ZFHX3: variants seen among roughly 807,000 people sequenced by gnomAD.
The protein encoded by ZFHX3 is zinc finger homeobox 3, also known as zinc finger homeobox protein 3.
A neutral mutation model predicts 279.1 loss-of-function variants in ZFHX3; 42 were observed. The observed-to-expected ratio is 0.15, with a 90% CI of 0.12 to 0.19. The LOEUF is 0.19. ZFHX3 is among the 10% of genes least tolerant of loss of function. The pLI, the probability that ZFHX3 is intolerant of heterozygous loss-of-function variation, is 1.00. For missense variants in ZFHX3, 4,981 were observed against 4,754.0 expected (o/e 1.05, Z -1.40); for synonymous variants, 2,293 against 1,957.8 (o/e 1.17, Z -4.52).
upstream of ZFHX3, chr16:73,062,239 C>T (rs952597009): frequency 6.6e-6 from 1 of 152,154 alleles, no homozygotes; most frequent in Non-Finnish European, 1.5e-5. Context: ...ATTTCTCTAG[C>T]TCTCACTCAA....
At chr16:73,838,947 C>T (rs1961219381) in intron 1 of ZFHX3, among the ~76,000 whole-genome samples, 1 of 151,986 alleles carries the variant, frequency 6.6e-6, no homozygotes, top group African/African-American at 2.4e-5. Flanking sequence ...GCTCAAATAT[C>T]AAGGCAGGGA....
intron 8 of ZFHX3, among the ~76,000 whole-genome samples, chr16:73,075,891 A>T (rs1192264876): frequency 6.6e-6 from 1 of 152,086 alleles, no homozygotes; most frequent in Admixed American, 6.6e-5. Flanking sequence ...CAGCCTCCCA[A>T]AGTGCTGGGA....
intron 4 of ZFHX3, among the ~76,000 whole-genome samples, chr16:73,290,102 C>A (rs1279521083): frequency 6.6e-6 from 1 of 151,936 alleles, no homozygotes; most frequent in East Asian, 1.9e-4. Flanking sequence ...CTGTAAATCA[C>A]AAGGTTTCAA....
intron 1 of ZFHX3, among the ~76,000 whole-genome samples, chr16:72,994,563 G>C (rs62053228): frequency 6.6e-6 from 1 of 152,296 alleles, no homozygotes; most frequent in East Asian, 1.9e-4. Context: ...CAGCCTATCC[G>C]ACTCCTACCT....
At chr16:73,250,963 G>T (rs915432042) in intron 5 of ZFHX3, among the ~76,000 whole-genome samples, 6 of 151,950 alleles carry the variant, frequency 3.9e-5, no homozygotes, top group Non-Finnish European at 7.4e-5. Context: ...ATCTTTGCCA[G>T]CTCCTGGTCT....
chr16:73,671,984 A>T (rs954607245), intron 2 of ZFHX3, among the ~76,000 whole-genome samples: 2 of 151,998 alleles, frequency 1.3e-5, no homozygotes, highest in Non-Finnish European at 2.9e-5. Context: ...TTTTTTCAAA[A>T]ACAGAAATAC....
At chr16:73,059,563 T>TCTCTCTCTCTCTCTCTCTCTCTCA in exon 1 of ZFHX3, 1 of 137,106 alleles carries the variant, frequency 7.3e-6, no homozygotes, top group Non-Finnish European at 1.6e-5. Context: ...TCTCTCTCTC[T>TCTCTCTCTCTCTCTCTCTCTCTCA]AAGCAAACGC....
chr16:73,628,895 C>T (rs965896556), intron 2 of ZFHX3, among the ~76,000 whole-genome samples: 5 of 152,118 alleles, frequency 3.3e-5, no homozygotes, highest in African/African-American at 9.7e-5. Flanking sequence ...AGGGGCACCA[C>T]GCAGGACCCA....
intron 5 of ZFHX3, among the ~76,000 whole-genome samples, chr16:73,156,928 G>T (rs1307843036): frequency 2.0e-5 from 3 of 152,136 alleles, no homozygotes; most frequent in Non-Finnish European, 4.4e-5. Context: ...TGGCCAGGAT[G>T]GTCTCTATCT....
intron 2 of ZFHX3, among the ~76,000 whole-genome samples, chr16:73,470,574 C>T (rs775349433): frequency 2.6e-5 from 4 of 152,150 alleles, no homozygotes; most frequent in African/African-American, 9.7e-5. Context: ...AAGGCACAAA[C>T]CTTTCTGCTT....
At chr16:73,709,843 C>T (rs1056615411) in intron 1 of ZFHX3, among the ~76,000 whole-genome samples, 4 of 152,032 alleles carry the variant, frequency 2.6e-5, no homozygotes, top group African/African-American at 7.2e-5. Context: ...TGGAGCCACT[C>T]GATGATGTAT....
chr16:73,091,006 T>C (rs1465303766), intron 8 of ZFHX3, among the ~76,000 whole-genome samples: 1 of 147,718 alleles, frequency 6.8e-6, no homozygotes, highest in Non-Finnish European at 1.5e-5. Flanking sequence ...GGTCAGGAGA[T>C]AAAGACCATC....
intron 1 of ZFHX3, among the ~76,000 whole-genome samples, chr16:72,969,837 A>G (rs542160998): frequency 6.6e-6 from 1 of 152,296 alleles, no homozygotes; most frequent in Non-Finnish European, 1.5e-5. Context: ...AGCCATACAT[A>G]GGTGATTCCA....
At chr16:73,135,307 GCTCAATA>G (rs897825099) in intron 6 of ZFHX3, among the ~76,000 whole-genome samples, 1 of 152,148 alleles carries the variant, frequency 6.6e-6, no homozygotes, top group African/African-American at 2.4e-5. Flanking sequence ...TCATTCACCA[GCTCAATA>G]TGTACAAAGA....
intron 1 of ZFHX3, among the ~76,000 whole-genome samples, chr16:73,041,904 A>C (rs927313260): frequency 3.9e-5 from 6 of 152,202 alleles, no homozygotes; most frequent in African/African-American, 1.4e-4. Flanking sequence ...TTGCTTCTTG[A>C]GTAGTTAAGA....
At chr16:73,560,290 G>A (rs1053976757) in intron 2 of ZFHX3, among the ~76,000 whole-genome samples, 2 of 152,002 alleles carry the variant, frequency 1.3e-5, no homozygotes, top group Admixed American at 6.6e-5. Flanking sequence ...TCCTCCTTCC[G>A]CCGCTGACAT....
intron 4 of ZFHX3, among the ~76,000 whole-genome samples, chr16:73,264,027 C>T (rs10221127): frequency 6.6e-6 from 1 of 152,024 alleles, no homozygotes; most frequent in Admixed American, 6.5e-5. Context: ...ATCAGCCAGG[C>T]GTGGTGGCAG....
intron 3 of ZFHX3, among the ~76,000 whole-genome samples, chr16:73,375,578 A>G (rs1193716076): frequency 6.6e-6 from 1 of 152,204 alleles, no homozygotes. Context: ...ATTTAGAGAT[A>G]TTTAAGATAA....
At chr16:73,371,319 CTCA>C (rs1371569539) in intron 3 of ZFHX3, among the ~76,000 whole-genome samples, 1 of 151,914 alleles carries the variant, frequency 6.6e-6, no homozygotes, top group African/African-American at 2.4e-5. Flanking sequence ...AACAAAAGAC[CTCA>C]TCATTGAATT....
Sources: gnomAD v4.1 joint callset for allele counts (sites outside exome capture counted in the v4.1 genomes callset) on GRCh38, gnomAD v4.1.1 for gene constraint, MANE v1.5 for transcripts, NCBI Gene and HGNC (gene_info 2026-07-23, HGNC 2026-07-21) for gene names.